Variants in LNPEP observed in about 807,000 individuals in gnomAD.
LNPEP encodes leucyl and cystinyl aminopeptidase.
Under a neutral mutation model 120.6 loss-of-function variants are expected in LNPEP, and 64 were observed. The ratio of observed to expected loss-of-function variants is 0.53; its 90% CI spans 0.43 to 0.65. The LOEUF (loss-of-function observed/expected upper bound fraction) is 0.65, where lower values mean the gene tolerates loss of function less well. LNPEP is among the 30% of genes least tolerant of loss of function. LNPEP has a pLI of 0.00. For missense variants in LNPEP, 1,057 were observed against 1,200.0 expected, an observed-to-expected ratio of 0.88 and a Z score of 1.76; for synonymous variants, 435 against 425.4, an observed-to-expected ratio of 1.02 and a Z score of -0.28.
chr5:96,998,213 G>T (rs1216109024), intron 8 of LNPEP, 68 bp downstream of exon 8: 2 of 1,169,630 alleles, frequency 1.7e-6, no homozygotes, highest in Admixed American at 4.8e-5. Context: ...ATGTGAGCAA[G>T]CTGTGTGATT....
At chr5:96,981,685 T>C (rs1205849882) in intron 2 of LNPEP, among the ~76,000 whole-genome samples, 1 of 152,172 alleles carries the variant, frequency 6.6e-6, no homozygotes, top group Non-Finnish European at 1.5e-5. Context: ...AACCATTGTA[T>C]GTAAACGTCA....
chr5:96,954,861 C>T (rs1328402677), intron 1 of LNPEP, among the ~76,000 whole-genome samples: 1 of 135,988 alleles, frequency 7.4e-6, no homozygotes, highest in East Asian at 2.3e-4. Flanking sequence ...CGGCTCACTG[C>T]AAGCTCCGCC....
intron 1 of LNPEP, among the ~76,000 whole-genome samples, chr5:96,945,421 AAAAG>A (rs1789164972): frequency 6.6e-6 from 1 of 151,006 alleles, no homozygotes; most frequent in African/African-American, 2.4e-5. Context: ...AAAAAAAAAA[AAAAG>A]AGATCAGAAA....
chr5:96,979,343 G>A lies in LNPEP; in HGVS notation c.225G>A (p.Lys75=). 9 of 1,614,072 alleles carry A rather than the reference G, an allele frequency of 5.6e-6. No homozygotes were observed. The highest frequency in any genetic ancestry group is 6.8e-6 in the Non-Finnish European group (8 of 1,179,950). Residue 75 remains lysine (K), a synonymous_variant, in exon 2 of 18, where the codon AAG becomes AAA. Transcript: ENST00000231368. The part of the protein sequence containing the change: ...EDEEDYESSA[K]LLGMSFMNRS... ...AAGAGGATTATGAGTCATCAGCAAA[G>A]CTGCTGGGCATGTCCTTCATGAATA...
rs571020970 is a variant in LNPEP, at chr5:96,987,616, G to A, written c.1131+946G>A. On this transcript the variant is annotated intron_variant, in intron 4 of 17. Coordinates refer to ENST00000231368, the MANE Select transcript of LNPEP (RefSeq NM_005575.3). ...TTTCAGAGATAAGGACAGAGATAAG[G>A]ATTCTCTGGTGATTTATCAGTAATA... Among the ~76,000 whole-genome samples the A allele has an allele frequency of 5.9e-5, 9 of 152,218 alleles. No homozygotes were observed. The East Asian group carries it at 1.7e-3, about 29-fold the overall frequency.
At chr5:96,995,014 A>G (rs2112630348) in intron 6 of LNPEP, among the ~76,000 whole-genome samples, 1 of 152,318 alleles carries the variant, frequency 6.6e-6, no homozygotes, top group Non-Finnish European at 1.5e-5. Context: ...AGGCCGAGGC[A>G]AAAGAATCAC....
rs1470066769 is a variant in LNPEP, at chr5:96,993,934, T to C, written c.1370T>C (p.Leu457Pro). 6.2e-7 allele frequency: 1 copy of C among 1,613,898 alleles called. No homozygotes were observed. Among genetic ancestry groups the C allele is most frequent in the Non-Finnish European group, 8.5e-7 (1 of 1,179,824 alleles). The stretch of plus-strand genomic sequence containing the variant: ...ACTTCTTCAATGGCGGATAGAAAGC[T>C]GGTGACTAAAATCATTGCTCATGAG... ...SNTSSMADRK[L>P]VTKIIAHELA... Residue 457 changes from leucine (L) to proline (P), a missense_variant, in exon 6 of 18, where the codon CTG (leucine) becomes CCG (proline). Coordinates refer to ENST00000231368, the MANE Select transcript of LNPEP (RefSeq NM_005575.3).
intron 1 of LNPEP, among the ~76,000 whole-genome samples, chr5:96,939,942 G>T (rs1314363692): frequency 2.0e-5 from 3 of 151,644 alleles, no homozygotes; most frequent in Non-Finnish European, 4.4e-5. Flanking sequence ...TTTTTCTTTT[G>T]CTCTATGATA....
chr5:97,006,320 G>C (rs1347317026), intron 10 of LNPEP, 87 bp downstream of exon 10: 3 of 1,315,174 alleles, frequency 2.3e-6, no homozygotes, highest in Admixed American at 4.2e-5. Context: ...AAGTTCTTGT[G>C]AAACCTAACA....
At chr5:97,015,752 A>G (rs1196947115) in intron 13 of LNPEP, among the ~76,000 whole-genome samples, 3 of 152,130 alleles carry the variant, frequency 2.0e-5, no homozygotes. Flanking sequence ...TTTGCTTTAT[A>G]AACTAGTGAG....
At chr5:97,012,714 A>G (rs572257351) in intron 11 of LNPEP, among the ~76,000 whole-genome samples, 1 of 152,316 alleles carries the variant, frequency 6.6e-6, no homozygotes, top group East Asian at 1.9e-4. Context: ...AAGGATTTTA[A>G]AAATTCATAC....
rs748712732 is a variant in LNPEP at position 96,979,544 on chromosome 5, T to TA, written c.434dup (p.Asn145LysfsTer34). ...GTACCTTTACCAAAGAAGGCTGCCA[T>TA]AAAAAAAACCAGTCAATTGGACTAA... On this transcript the variant is annotated frameshift_variant, in exon 2 of 18. Coordinates refer to ENST00000231368, the MANE Select transcript of LNPEP (RefSeq NM_005575.3). LOFTEE classifies it high-confidence loss of function. The TA allele has an allele frequency of 1.1e-5, 17 of 1,613,468 alleles. No individual in the cohort carries two copies. The highest frequency in any genetic ancestry group is 4.5e-5 in the East Asian group (2 of 44,890).
At chr5:96,955,115 A>T (rs1371355090) in intron 1 of LNPEP, among the ~76,000 whole-genome samples, 1 of 151,974 alleles carries the variant, frequency 6.6e-6, no homozygotes, top group Non-Finnish European at 1.5e-5. Flanking sequence ...AAGCAAAACA[A>T]AAAATGACCC....
Position 96,943,148 on chromosome 5 carries a change from G to A in LNPEP, c.19+6974G>A, listed in dbSNP as rs926957634. 9.7e-6 allele frequency: 5 copies of A among 513,298 alleles called. No individual in the cohort carries two copies. In the East Asian group the frequency reaches 2.8e-4, roughly 29 times the overall value. 31.8% of individuals were successfully genotyped at this position (513,298 alleles called of 1,614,324 possible). On this transcript the variant is annotated intron_variant, in intron 1 of 17. Coordinates refer to ENST00000231368, the MANE Select transcript of LNPEP (RefSeq NM_005575.3). Reference sequence around the variant, plus strand: ...TAAGCAGATTACTTCCATCATTATTGAGCCAGGAGTTGAGGTTGAAGTCAC... The same window carrying A: ...TAAGCAGATTACTTCCATCATTATTAAGCCAGGAGTTGAGGTTGAAGTCAC...
chr5:96,986,765 A>G, intron 4 of LNPEP, 95 bp downstream of exon 4: 1 of 1,169,092 alleles, frequency 8.6e-7, no homozygotes, highest in Non-Finnish European at 1.2e-6. Flanking sequence ...GTGTGAAATA[A>G]ATAAGCTTTT....
rs544350761 is a variant in LNPEP at position 96,979,904 on chromosome 5, G to A, written c.786G>A (p.Glu262=). Residue 262 remains glutamate, a synonymous_variant, in exon 2 of 18, where the codon GAG becomes GAA. Coordinates refer to ENST00000231368, the MANE Select transcript of LNPEP (RefSeq NM_005575.3). The part of the protein sequence containing the change: ...LAGHNYTLKI[E]YSANISSSYY... Reference sequence around the variant, plus strand: ...GGCACAATTATACGTTGAAGATAGAGTACTCGGCAAATATATCTAGTTCTT... The same window carrying A: ...GGCACAATTATACGTTGAAGATAGAATACTCGGCAAATATATCTAGTTCTT... 5 of 1,613,714 alleles carry A rather than the reference G, an allele frequency of 3.1e-6. No individual in the cohort carries two copies. The South Asian group carries it at 5.5e-5, about 18-fold the overall frequency.
At chr5:96,986,712 A>G (rs755986979) in intron 4 of LNPEP, 42 bp downstream of exon 4, 88 of 1,594,348 alleles carry the variant, frequency 5.5e-5, no homozygotes, top group Non-Finnish European at 7.3e-5. Flanking sequence ...GTGTCACAAG[A>G]GGCTCAGAGG....
intron 8 of LNPEP, among the ~76,000 whole-genome samples, chr5:96,998,517 CAAGT>C (rs1398001998): frequency 6.6e-6 from 1 of 152,124 alleles, no homozygotes; most frequent in Non-Finnish European, 1.5e-5. Context: ...ACTGCCAAAA[CAAGT>C]AAGCAAAAAG....
At chr5:96,978,735 C>A (rs963205451) in intron 1 of LNPEP, among the ~76,000 whole-genome samples, 1 of 152,162 alleles carries the variant, frequency 6.6e-6, no homozygotes, top group Non-Finnish European at 1.5e-5. Flanking sequence ...TGGGCACATC[C>A]CTTTGATCCT....
Sources: allele counts gnomAD v4.1 joint callset (sites outside exome capture counted in the v4.1 genomes callset), GRCh38; gene constraint gnomAD v4.1.1; transcripts MANE v1.5; gene names NCBI Gene and HGNC (gene_info 2026-07-23, HGNC 2026-07-21).